EHMT1: variants seen among roughly 807,000 people sequenced by gnomAD.
EHMT1 encodes the protein histone-lysine N-methyltransferase EHMT1.
A neutral mutation model predicts 147.2 loss-of-function variants in EHMT1; 15 were observed. The observed-to-expected ratio is 0.10, with a 90% confidence interval of 0.07 to 0.16. EHMT1 has a LOEUF of 0.16. Among genes scored for constraint, EHMT1 ranks in the 10% least tolerant of loss-of-function variants. The pLI, the probability that EHMT1 is intolerant of heterozygous loss-of-function variation, is 1.00. For missense variants in EHMT1, 1,587 were observed against 1,772.4 expected, an observed-to-expected ratio of 0.90 and a Z score of 1.88; for synonymous variants, 795 against 709.6, an observed-to-expected ratio of 1.12 and a Z score of -1.91.
At chr9:137,680,894 C>T (rs927484169) in intron 1 of EHMT1, 1 of 152,326 alleles carries the variant, frequency 6.6e-6, no homozygotes, top group Admixed American at 6.5e-5. Context: ...GATGCCGGGG[C>T]TCGTGGTGAT....
chr9:137,622,795 T>C lies in EHMT1; in HGVS notation c.21+3746T>C, dbSNP rs191275391. Among the ~76,000 whole-genome samples the C allele has an allele frequency of 2.0e-5, 3 of 151,374 alleles. No homozygotes were observed. The East Asian group carries it at 5.8e-4, about 29-fold the overall frequency. Reference sequence around the variant, plus strand: ...GGTGGTATGTGCCTGTAGTCCCAGCTACTTGAGGGGCTGAGGTGGGAGGAT... The same window carrying C: ...GGTGGTATGTGCCTGTAGTCCCAGCCACTTGAGGGGCTGAGGTGGGAGGAT... On this transcript the variant is annotated intron_variant, in intron 1 of 26. Transcript: ENST00000460843.
Position 137,776,162 on chromosome 9 carries a change from C to T in EHMT1, c.1792-456C>T, listed in dbSNP as rs865992932. On this transcript the variant is annotated intron_variant, in intron 11 of 26. Transcript: ENST00000460843. This position sits in a 1 kb window ranked among gnomAD's most constrained non-coding sequence, Gnocchi z 4.4. ...TTTCTGCAAGAAAATGCTGTTCTTA[C>T]GGCTGTGTGCCCCTCCTCGAGGCTC... Among the ~76,000 whole-genome samples the T allele has an allele frequency of 1.1e-4, 17 of 152,318 alleles. No individual in the cohort carries two copies. Among genetic ancestry groups the T allele is most frequent in the African/African-American group, 2.6e-4 (11 of 41,562 alleles).
intron 3 of EHMT1, among the ~76,000 whole-genome samples, chr9:137,718,566 A>G (rs1385267743): frequency 6.6e-6 from 1 of 151,940 alleles, no homozygotes; most frequent in Non-Finnish European, 1.5e-5. Context: ...TTTTCTTCCC[A>G]TGGAGCTCCT....
chr9:137,648,537 G>T (rs1404323183), intron 1 of EHMT1, among the ~76,000 whole-genome samples: 2 of 150,970 alleles, frequency 1.3e-5, no homozygotes, highest in Non-Finnish European at 2.9e-5. Context: ...TCATGCCTGT[G>T]GTCCCAGCTA....
intron 1 of EHMT1, among the ~76,000 whole-genome samples, chr9:137,664,718 G>C (rs563239398): frequency 2.0e-5 from 3 of 152,144 alleles, no homozygotes; most frequent in East Asian, 1.9e-4. Flanking sequence ...TTGTCCATAT[G>C]GGGGAGGGAG....
chr9:137,652,612 C>T (rs1206957937), intron 1 of EHMT1, among the ~76,000 whole-genome samples: 2 of 152,024 alleles, frequency 1.3e-5, no homozygotes, highest in East Asian at 1.9e-4. Flanking sequence ...TCTTGAACTC[C>T]TGACCTCAGG....
rs1164572456 is a variant in EHMT1, at chr9:137,787,959, C to G, written c.2383-2889C>G. On this transcript the variant is annotated intron_variant, in intron 15 of 26. Coordinates refer to ENST00000460843, the MANE Select transcript of EHMT1 (RefSeq NM_024757.5). This position sits in a 1 kb window ranked among gnomAD's most constrained non-coding sequence, Gnocchi z 4.2. ...CCCCCAGAGGGAGGCCCTGTGTCCC[C>G]CACTGGACAGCCCCCCAGGAACTGA... 1 of 1,497,630 alleles carries G rather than the reference C, an allele frequency of 6.7e-7. No individual in the cohort carries two copies. The highest frequency in any genetic ancestry group is 9.3e-7 in the Non-Finnish European group (1 of 1,080,638). 92.8% of individuals were successfully genotyped at this position (1,497,630 alleles called of 1,614,324 possible). A position where few individuals can be genotyped will look rare whatever the true frequency, so the allele number is the denominator to read the frequency against.
At chr9:137,795,482 C>G (rs1952863238) in intron 16 of EHMT1, among the ~76,000 whole-genome samples, 1 of 151,856 alleles carries the variant, frequency 6.6e-6, no homozygotes, top group African/African-American at 2.4e-5. Context: ...TTCACTCAGA[C>G]CAGGACAACG....
intron 16 of EHMT1, chr9:137,791,979 C>T (rs981364247): frequency 8.0e-5 from 33 of 410,962 alleles, no homozygotes; most frequent in Middle Eastern, 3.6e-4. Context: ...GTGATCCGCC[C>T]GCCTCAGCCT....
At chr9:137,777,677 C>T (rs1016554286) in intron 12 of EHMT1, among the ~76,000 whole-genome samples, 1 of 152,168 alleles carries the variant, frequency 6.6e-6, no homozygotes, top group African/African-American at 2.4e-5. Flanking sequence ...TGTATTTGAA[C>T]ACGCTGCCCA....
At chr9:137,681,357 A>G (rs1941921208) in intron 1 of EHMT1, among the ~76,000 whole-genome samples, 2 of 152,318 alleles carry the variant, frequency 1.3e-5, no homozygotes, top group Middle Eastern at 3.4e-3. Context: ...GGATTTTGCT[A>G]TAACTTTGTA....
chr9:137,825,043 T>C (rs779899099), intron 25 of EHMT1, among the ~76,000 whole-genome samples: 1 of 152,232 alleles, frequency 6.6e-6, no homozygotes, highest in Admixed American at 6.5e-5. Context: ...TCAGGCCTTT[T>C]GTAAATGCTC....
Position 137,776,590 on chromosome 9 carries a change from A to G in EHMT1, c.1792-28A>G. 1 of 1,612,934 alleles carries G rather than the reference A, an allele frequency of 6.2e-7. No homozygotes were observed. The highest frequency in any genetic ancestry group is 8.5e-7 in the Non-Finnish European group (1 of 1,179,432). ...TAAATATTAACCCCAATTAAAACAA[A>G]AATTTTTTTTTGTCCTCCCATTTTT... On this transcript the variant is annotated intron_variant, in intron 11 of 26. Coordinates refer to ENST00000460843, the MANE Select transcript of EHMT1 (RefSeq NM_024757.5). This position sits in a 1 kb window ranked among gnomAD's most constrained non-coding sequence, Gnocchi z 4.4.
intron 14 of EHMT1, among the ~76,000 whole-genome samples, chr9:137,780,990 T>G (rs201795250): frequency 2.4e-4 from 3 of 12,318 alleles, no homozygotes; most frequent in Non-Finnish European, 1.6e-3. Flanking sequence ...GACGCTGGGA[T>G]GTGTGGTGAT....
chr9:137,834,327 G>C (rs1475497155), intron 25 of EHMT1, 22 bp from the exon 26 acceptor site: 1 of 1,602,704 alleles, frequency 6.2e-7, no homozygotes, highest in Admixed American at 1.7e-5. Context: ...ACTGCAGCCC[G>C]TGCCGGCTTC....
At chr9:137,763,469 G>GTCACA (rs1173540808) in intron 10 of EHMT1, 1 of 163,816 alleles carries the variant, frequency 6.1e-6, no homozygotes, top group Non-Finnish European at 1.4e-5. Context: ...ACCACATGCA[G>GTCACA]TCACACTGCT....
At chr9:137,692,607 A>G (rs1943038679) in intron 1 of EHMT1, among the ~76,000 whole-genome samples, 1 of 152,076 alleles carries the variant, frequency 6.6e-6, no homozygotes. Flanking sequence ...TTTACTTAGA[A>G]AGGAGTTTTT....
At chr9:137,749,000 G>A (rs1948767114) in intron 6 of EHMT1, among the ~76,000 whole-genome samples, 1 of 152,194 alleles carries the variant, frequency 6.6e-6, no homozygotes, top group Non-Finnish European at 1.5e-5. Context: ...TGAAGGGAGA[G>A]CTGGACCCTC....
intron 22 of EHMT1, 187 bp downstream of exon 22, chr9:137,814,695 G>A (rs754409690): frequency 2.1e-4 from 145 of 684,682 alleles, no homozygotes; most frequent in Non-Finnish European, 3.6e-4. Context: ...GTCGTGAGCC[G>A]AGGACATGGC....
Sources: allele counts gnomAD v4.1 joint callset (sites outside exome capture counted in the v4.1 genomes callset), GRCh38; gene constraint gnomAD v4.1.1; non-coding constraint Gnocchi (gnomAD v3.1); transcripts MANE v1.5; gene names NCBI Gene and HGNC (gene_info 2026-07-23, HGNC 2026-07-21).